Variants in PPFIA1 observed in about 807,000 individuals in gnomAD.
PPFIA1 encodes liprin-alpha-1.
In PPFIA1, 25 loss-of-function variants were observed where a neutral mutation model predicts 149.9. The ratio of observed to expected loss-of-function variants is 0.17; its 90% CI spans 0.12 to 0.23. The LOEUF (loss-of-function observed/expected upper bound fraction) is 0.23. Ranked by LOEUF, PPFIA1 falls within the 10% of genes least tolerant of loss-of-function variation. The probability of loss-of-function intolerance (pLI) is 1.00; values close to 1 mark genes in which losing one functional copy is unlikely to be tolerated. For synonymous variants in PPFIA1, 549 were observed against 552.8 expected (o/e 0.99, Z 0.10); for missense variants, 1,362 against 1,506.5 (o/e 0.90, Z 1.59).
intron 11 of PPFIA1, 58 bp from the exon 12 acceptor site, chr11:70,337,307 G>C: frequency 6.7e-6 from 8 of 1,192,526 alleles, no homozygotes; most frequent in Non-Finnish European, 9.5e-6. Context: ...ATACAGCCAT[G>C]CTATATTTAA....
intron 21 of PPFIA1, among the ~76,000 whole-genome samples, chr11:70,370,920 G>A (rs2057202598): frequency 6.6e-6 from 1 of 152,122 alleles, no homozygotes; most frequent in Non-Finnish European, 1.5e-5. Context: ...ATCACTTGAG[G>A]TCAGGAGTTT....
At chr11:70,375,832 GCCAATACCCCTGA>G (rs2057467543) in intron 24 of PPFIA1, among the ~76,000 whole-genome samples, 1 of 151,424 alleles carries the variant, frequency 6.6e-6, no homozygotes, top group African/African-American at 2.4e-5. Context: ...AATATCTTTG[GCCAATACCCCTGA>G]CCAACCCACA....
chr11:70,298,693 G>C (rs1457196184), intron 2 of PPFIA1, among the ~76,000 whole-genome samples: 1 of 152,122 alleles, frequency 6.6e-6, no homozygotes, highest in Non-Finnish European at 1.5e-5. Flanking sequence ...CCCTGGGCTC[G>C]GGGAAGAGCT....
intron 2 of PPFIA1, among the ~76,000 whole-genome samples, chr11:70,292,828 A>G (rs1011057920): frequency 6.6e-6 from 1 of 152,212 alleles, no homozygotes; most frequent in Admixed American, 6.5e-5. Context: ...GAGTTCTTCA[A>G]CTGCATGAAA....
intron 16 of PPFIA1, among the ~76,000 whole-genome samples, chr11:70,350,564 C>T (rs901134841): frequency 8.6e-5 from 13 of 152,032 alleles, no homozygotes; most frequent in African/African-American, 1.4e-4. Flanking sequence ...CATTAATGTC[C>T]AACAGGTGAT....
intron 2 of PPFIA1, among the ~76,000 whole-genome samples, chr11:70,294,500 G>A (rs2051757921): frequency 6.6e-6 from 1 of 151,634 alleles, no homozygotes; most frequent in Admixed American, 6.6e-5. Context: ...ACGAGGCTTT[G>A]TGACAAAGGC....
At chr11:70,325,053 G>A (rs764231288) in intron 4 of PPFIA1, 42 bp downstream of exon 4, 3 of 1,514,754 alleles carry the variant, frequency 2.0e-6, no homozygotes, top group African/African-American at 1.4e-5. Flanking sequence ...CACATGCTGT[G>A]TATTAGGCCA....
chr11:70,283,889 C>G (rs1045353114), intron 2 of PPFIA1: 3 of 470,978 alleles, frequency 6.4e-6, no homozygotes, highest in African/African-American at 6.0e-5. Flanking sequence ...GTGGAGCCCC[C>G]TCAACAAAGA....
chr11:70,306,956 T>C (rs369437312), intron 2 of PPFIA1, among the ~76,000 whole-genome samples: 2 of 152,152 alleles, frequency 1.3e-5, no homozygotes, highest in South Asian at 4.1e-4. Context: ...AGAAAACATA[T>C]TGCTTCCCAC....
chr11:70,322,832 C>A (rs1293593954), intron 2 of PPFIA1, among the ~76,000 whole-genome samples: 3 of 152,164 alleles, frequency 2.0e-5, no homozygotes, highest in Admixed American at 2.0e-4. Context: ...CCCCTCCCCA[C>A]CCCCGCTGTG....
intron 21 of PPFIA1, among the ~76,000 whole-genome samples, chr11:70,363,736 A>G (rs1591352081): frequency 2.0e-5 from 3 of 151,912 alleles, no homozygotes; most frequent in African/African-American, 4.8e-5. Context: ...CTGGTCTGGA[A>G]CTCCTGGCCT....
chr11:70,294,475 C>T (rs2051756368), intron 2 of PPFIA1, among the ~76,000 whole-genome samples: 1 of 151,676 alleles, frequency 6.6e-6, no homozygotes, highest in Admixed American at 6.6e-5. Flanking sequence ...GGATGTAAAT[C>T]CTACCTTGAG....
intron 2 of PPFIA1, among the ~76,000 whole-genome samples, chr11:70,301,151 T>G (rs1356843343): frequency 1.3e-5 from 2 of 152,242 alleles, no homozygotes; most frequent in Non-Finnish European, 2.9e-5. Context: ...AAGACTGTTT[T>G]GCCATCTATA....
intron 16 of PPFIA1, chr11:70,350,911 C>A: frequency 1.3e-6 from 1 of 774,386 alleles, no homozygotes; most frequent in South Asian, 2.4e-5. Flanking sequence ...AATATATTTG[C>A]TTATACTGAT....
In PPFIA1 at chr11:70,382,150, C is replaced by G; in HGVS notation, c.*4C>G. 6.2e-7 allele frequency: 1 copy of G among 1,613,292 alleles called. No individual in the cohort carries two copies. Among genetic ancestry groups the G allele is most frequent in the Non-Finnish European group, 8.5e-7 (1 of 1,179,540 alleles). ...AGTCAGGACTTACTCCTGCTAAAGTCTCCTGTTGGTGAGTAGAGAGCACCA... is the reference window on the plus strand; with the variant it reads ...AGTCAGGACTTACTCCTGCTAAAGTGTCCTGTTGGTGAGTAGAGAGCACCA... On this transcript the variant is annotated 3_prime_UTR_variant, in exon 27 of 28. Coordinates refer to ENST00000253925, the MANE Select transcript of PPFIA1 (RefSeq NM_003626.5).
At chr11:70,370,882 C>T (rs1220151301) in intron 21 of PPFIA1, among the ~76,000 whole-genome samples, 3 of 152,012 alleles carry the variant, frequency 2.0e-5, no homozygotes, top group African/African-American at 4.8e-5. Context: ...GTAATCCTAG[C>T]GGTTTGGGAG....
chr11:70,332,984 TC>T (rs1417581788), intron 9 of PPFIA1: 1 of 451,952 alleles, frequency 2.2e-6, no homozygotes, highest in Non-Finnish European at 4.5e-6. Flanking sequence ...ATTTCTTTTC[TC>T]CCCTGTTATC....
At chr11:70,380,965 A>G (rs1323084354) in intron 26 of PPFIA1, 1 of 151,616 alleles carries the variant, frequency 6.6e-6, no homozygotes, top group Non-Finnish European at 1.5e-5. Context: ...ATGCCTTGCT[A>G]ATTTTTTGAA....
In PPFIA1 at chr11:70,277,017, CT is replaced by C. The variant is rs762899887; in HGVS notation, c.264+4590del. On this transcript the variant is annotated intron_variant, in intron 2 of 27. Transcript: ENST00000253925. ...ATTAATTTCTACTTTTTTTTTTTTG[CT>C]TTTTTTTTGTTTGATTGAGATATAT... 5.2e-3 allele frequency among the ~76,000 whole-genome samples: 316 copies of C among 61,328 alleles called. 2 individuals carry two copies. Among genetic ancestry groups the C allele is most frequent in the Non-Finnish European group, 6.4e-3 (208 of 32,376 alleles). 40.2% of individuals were successfully genotyped at this position (61,328 alleles called of 152,430 possible).
Sources: allele counts gnomAD v4.1 joint callset (sites outside exome capture counted in the v4.1 genomes callset), GRCh38; gene constraint gnomAD v4.1.1; transcripts MANE v1.5; gene names NCBI Gene and HGNC (gene_info 2026-07-23, HGNC 2026-07-21).